PRLR: variants seen among roughly 807,000 people sequenced by gnomAD.
PRLR encodes hPRL receptor.
A neutral mutation model predicts 40.2 loss-of-function variants in PRLR; 13 were observed. That is an observed-to-expected ratio of 0.32 (90% CI 0.21 to 0.51). The LOEUF (loss-of-function observed/expected upper bound fraction) is 0.51. PRLR is among the 20% of genes least tolerant of loss of function. The pLI, the probability that PRLR is intolerant of heterozygous loss-of-function variation, is 0.97. For synonymous variants in PRLR, 269 were observed against 278.7 expected, an observed-to-expected ratio of 0.97 and a Z score of 0.35; for missense variants, 656 against 747.3, an observed-to-expected ratio of 0.88 and a Z score of 1.42.
At chr5:35,054,788 T>C (rs769648883), downstream of PRLR, among the ~76,000 whole-genome samples, 11 of 152,214 alleles carry the variant, frequency 7.2e-5, no homozygotes, top group Non-Finnish European at 1.3e-4. Context: ...CTATTTTTTA[T>C]GCAAAACTCA....
chr5:35,151,300 G>T (rs1242199533), intron 1 of PRLR, among the ~76,000 whole-genome samples: 1 of 152,180 alleles, frequency 6.6e-6, no homozygotes, highest in Non-Finnish European at 1.5e-5. Flanking sequence ...TGGAAAAGCT[G>T]TAAGATGGAA....
At chr5:35,106,038 C>T (rs1253449973) in intron 2 of PRLR, among the ~76,000 whole-genome samples, 2 of 152,218 alleles carry the variant, frequency 1.3e-5, no homozygotes, top group South Asian at 4.1e-4. Context: ...TTGGCAGAAA[C>T]TCTGCAAGCC....
chr5:35,206,061 A>G (rs1776008064), intron 1 of PRLR, among the ~76,000 whole-genome samples: 1 of 152,196 alleles, frequency 6.6e-6, no homozygotes, highest in African/African-American at 2.4e-5. Flanking sequence ...ATCATCTTCA[A>G]CTGAAATAGA....
chr5:35,129,089 T>C (rs879148720), intron 1 of PRLR, among the ~76,000 whole-genome samples: 1 of 152,176 alleles, frequency 6.6e-6, no homozygotes, highest in Non-Finnish European at 1.5e-5. Flanking sequence ...AAGCAGAAAC[T>C]GGTGGAGATA....
intron 1 of PRLR, among the ~76,000 whole-genome samples, chr5:35,207,846 T>C (rs1776062331): frequency 6.6e-6 from 1 of 152,096 alleles, no homozygotes; most frequent in East Asian, 1.9e-4. Flanking sequence ...TTGGCAAGAA[T>C]AGGTAAATCA....
intron 1 of PRLR, among the ~76,000 whole-genome samples, chr5:35,132,454 T>C (rs535457348): frequency 6.6e-6 from 1 of 152,348 alleles, no homozygotes; most frequent in South Asian, 2.1e-4. Context: ...CTCCTACCTA[T>C]TTCAGTATAT....
rs761119040 is a variant in PRLR at position 35,080,024 on chromosome 5, T to C, written c.373+4446A>G. On this transcript the variant is annotated intron_variant, in intron 5 of 9. Coordinates refer to ENST00000618457, the MANE Select transcript of PRLR (RefSeq NM_000949.7). The stretch of plus-strand genomic sequence containing the variant: ...AACTGGATACCTTCCTTACACCTTA[T>C]ACAAAAATTAATTCAAGATGGATTT... Among the ~76,000 whole-genome samples the C allele has an allele frequency of 2.2e-4, 34 of 152,164 alleles. 1 individual carries two copies. Among genetic ancestry groups the C allele is most frequent in the Non-Finnish European group, 3.7e-4 (25 of 68,030 alleles).
At chr5:35,182,228 C>G (rs1314819915) in intron 1 of PRLR, among the ~76,000 whole-genome samples, 3 of 152,184 alleles carry the variant, frequency 2.0e-5, no homozygotes, top group African/African-American at 7.2e-5. Context: ...AACTGAGGCA[C>G]TGATTCTACC....
At chr5:35,088,727 T>C (rs1376316215) in intron 3 of PRLR, among the ~76,000 whole-genome samples, 3 of 152,096 alleles carry the variant, frequency 2.0e-5, no homozygotes, top group South Asian at 2.1e-4. Context: ...TACAGGTATG[T>C]AGATGCCCAC....
intron 5 of PRLR, among the ~76,000 whole-genome samples, chr5:35,076,147 AATGCAGT>A (rs1232727111): frequency 6.6e-6 from 1 of 152,242 alleles, no homozygotes; most frequent in Non-Finnish European, 1.5e-5. Context: ...CCTCCAAAGG[AATGCAGT>A]TCCTCGCCAG....
intron 1 of PRLR, among the ~76,000 whole-genome samples, chr5:35,187,339 T>A (rs888732832): frequency 1.3e-5 from 2 of 151,546 alleles, no homozygotes. Flanking sequence ...AGGCAGAGGT[T>A]GTAGTGAGCC....
chr5:35,089,689 T>G, intron 2 of PRLR, 26 bp from the exon 3 acceptor site: 1 of 1,517,610 alleles, frequency 6.6e-7, no homozygotes, highest in African/African-American at 1.4e-5. Context: ...GCAGGTAACT[T>G]TTGTGAAATG....
intron 1 of PRLR, among the ~76,000 whole-genome samples, chr5:35,212,340 T>C (rs1776190678): frequency 6.6e-6 from 1 of 152,242 alleles, no homozygotes; most frequent in Non-Finnish European, 1.5e-5. Flanking sequence ...CTGTTTTTGA[T>C]GCCTTTCAAT....
downstream of PRLR, among the ~76,000 whole-genome samples, chr5:35,054,250 C>T (rs116026616): frequency 4.0e-3 from 615 of 152,328 alleles, 3 homozygotes; most frequent in Middle Eastern, 0.01. Flanking sequence ...AGCAATTTGT[C>T]AGCATCTAGG....
rs1769678207 is a variant in PRLR at position 35,070,478 on chromosome 5, T to C, written c.544-213A>G. On this transcript the variant is annotated intron_variant, in intron 6 of 9. Coordinates refer to ENST00000618457, the MANE Select transcript of PRLR (RefSeq NM_000949.7). ...TTTTCTATCTCTCCATTTGGGACTC[T>C]ACTTCAGAAAAGTCAAATATTCTGC... is the stretch of plus-strand genomic sequence containing the variant. Among the ~76,000 whole-genome samples the C allele has an allele frequency of 2.0e-5, 3 of 152,348 alleles. No individual in the cohort carries two copies. The South Asian group carries it at 6.2e-4, about 32-fold the overall frequency.
intron 1 of PRLR, among the ~76,000 whole-genome samples, chr5:35,190,470 T>G (rs1324948987): frequency 6.6e-6 from 1 of 152,118 alleles, no homozygotes. Context: ...CTGGGCATAG[T>G]GGCAGGTGCC....
intron 1 of PRLR, among the ~76,000 whole-genome samples, chr5:35,139,784 C>T (rs1773962840): frequency 6.6e-6 from 1 of 152,104 alleles, no homozygotes; most frequent in African/African-American, 2.4e-5. Context: ...TTGGATATTG[C>T]ATGTATGTAT....
At chr5:35,087,279 T>C (rs1770915361) in intron 3 of PRLR, among the ~76,000 whole-genome samples, 1 of 152,194 alleles carries the variant, frequency 6.6e-6, no homozygotes, top group Non-Finnish European at 1.5e-5. Flanking sequence ...CATGAGCTAC[T>C]GCACCTGGCC....
chr5:35,098,096 G>A (rs1206873618), intron 2 of PRLR, among the ~76,000 whole-genome samples: 4 of 152,202 alleles, frequency 2.6e-5, no homozygotes, highest in Non-Finnish European at 5.9e-5. Context: ...AGGTACTCGT[G>A]CATTCTGTGA....
Sources: allele counts gnomAD v4.1 joint callset (sites outside exome capture counted in the v4.1 genomes callset), GRCh38; gene constraint gnomAD v4.1.1; transcripts MANE v1.5; gene names NCBI Gene and HGNC (gene_info 2026-07-23, HGNC 2026-07-21).